Variants in OSCP1 observed in about 807,000 individuals in gnomAD.
OSCP1 encodes protein OSCP1.
OSCP1 carries 35 observed loss-of-function variants against 45.1 expected under a neutral mutation model. The ratio of observed to expected loss-of-function variants is 0.78; its 90% CI spans 0.59 to 1.03. The LOEUF (loss-of-function observed/expected upper bound fraction) is 1.03, where lower values mean the gene tolerates loss of function less well. Among genes scored for constraint, OSCP1 ranks in the 50% least tolerant of loss-of-function variants. OSCP1 has a pLI of 0.00. For synonymous variants in OSCP1, 179 were observed against 180.1 expected, an observed-to-expected ratio of 0.99 and a Z score of 0.05; for missense variants, 400 against 470.7, an observed-to-expected ratio of 0.85 and a Z score of 1.39.
chr1:36,441,061 T>C (rs1176307705), intron 1 of OSCP1: 1 of 152,222 alleles, frequency 6.6e-6, no homozygotes, highest in East Asian at 1.9e-4. Context: ...AATGAAGTCT[T>C]TCCCCGTGGG....
chr1:36,440,231 T>C lies in OSCP1; in HGVS notation c.113-1321A>G, dbSNP rs562751112. The stretch of plus-strand genomic sequence containing the variant: ...AGTGAAGTGATTATTTTAGGCACTC[T>C]CAACCTGTAAGTAATTGACAGAAGT... On this transcript the variant is annotated intron_variant, in intron 1 of 9. Transcript: ENST00000235532. Among the ~76,000 whole-genome samples, 24 of 152,318 alleles carry C rather than the reference T, an allele frequency of 1.6e-4. No individual in the cohort carries two copies. The South Asian group carries it at 2.3e-3, about 14-fold the overall frequency.
At position 36,432,463 on chromosome 1, in the gene OSCP1, T is replaced by C. The variant is rs754625448; in HGVS notation, c.394A>G (p.Ile132Val). 1.2e-6 allele frequency: 2 copies of C among 1,614,146 alleles called. No individual in the cohort carries two copies. The highest frequency in any genetic ancestry group is 1.7e-4 in the Middle Eastern group (1 of 6,060). Residue 132 changes from isoleucine to valine, a missense_variant, in exon 3 of 10, where the codon ATC becomes GTC. By Grantham distance (29) the Ile-to-Val change is conservative. Transcript: ENST00000235532. ...IKGFIRDSPT[I>V]LQQVDETLRQ... ...AAAGTCTCGTCCACTTGCTGCAGGA[T>C]GGTTGGGGAGTCTCGGATGAATCCC... is the stretch of plus-strand genomic sequence containing the variant.
At chr1:36,443,674 C>G (rs1452562568) in intron 1 of OSCP1, among the ~76,000 whole-genome samples, 2 of 152,200 alleles carry the variant, frequency 1.3e-5, no homozygotes, top group Non-Finnish European at 2.9e-5. Flanking sequence ...GTTTTAAGGA[C>G]TACCAAATAG....
At chr1:36,423,905 GA>G (rs906627975) in intron 4 of OSCP1, among the ~76,000 whole-genome samples, 6 of 151,488 alleles carry the variant, frequency 4.0e-5, no homozygotes, top group African/African-American at 1.5e-4. Flanking sequence ...AAAGAAGGGA[GA>G]AAAAATTACA....
intron 7 of OSCP1, chr1:36,421,880 C>A (rs1243949188): frequency 2.0e-6 from 1 of 508,306 alleles, no homozygotes; most frequent in African/African-American, 1.9e-5. Context: ...GGCACTGGTA[C>A]TACGCTACTG....
chr1:36,428,226 C>A, intron 4 of OSCP1: 2 of 1,287,378 alleles, frequency 1.6e-6, no homozygotes, highest in Admixed American at 2.8e-5. Context: ...AAAAATTTGG[C>A]ATCAGAATTG....
At position 36,434,838 on chromosome 1, in the gene OSCP1, A is replaced by G. The variant is rs371223370; in HGVS notation, c.268-2249T>C. Among the ~76,000 whole-genome samples the G allele has an allele frequency of 3.3e-5, 5 of 152,042 alleles. No individual in the cohort carries two copies. In the East Asian group the frequency reaches 5.8e-4, roughly 18 times the overall value. ...GTGTGCATGGGGATTGGGAAAGTAC[A>G]ATACTGGAGATACAGATTTGAGACT... On this transcript the variant is annotated intron_variant, in intron 2 of 9. Transcript: ENST00000235532.
chr1:36,437,984 C>T (rs983542826), intron 2 of OSCP1, among the ~76,000 whole-genome samples: 4 of 151,926 alleles, frequency 2.6e-5, no homozygotes, highest in Admixed American at 6.6e-5. Flanking sequence ...AGACCAGCCT[C>T]GGCAACAAAG....
intron 4 of OSCP1, among the ~76,000 whole-genome samples, chr1:36,431,129 T>C (rs1353722309): frequency 6.6e-6 from 1 of 152,096 alleles, no homozygotes; most frequent in African/African-American, 2.4e-5. Flanking sequence ...CAGCAAGTTG[T>C]AGGCACTGGT....
chr1:36,424,318 CTAAAG>C (rs754728604), intron 4 of OSCP1, among the ~76,000 whole-genome samples: 9 of 152,150 alleles, frequency 5.9e-5, no homozygotes, highest in African/African-American at 2.4e-5. Context: ...GACGAGAAAG[CTAAAG>C]TAGAGAGTGA....
At position 36,418,229 on chromosome 1, in the gene OSCP1, AGCCAGCTCCTCGCTCCGTT is replaced by A; in HGVS notation, c.1031_1049del (p.Gln344LeufsTer15). 6.2e-7 allele frequency: 1 copy of A among 1,614,158 alleles called. No individual in the cohort carries two copies. The highest frequency in any genetic ancestry group is 8.5e-7 in the Non-Finnish European group (1 of 1,180,036). On this transcript the variant is annotated frameshift_variant, in exon 10 of 10. Transcript: ENST00000235532. LOFTEE classifies it high-confidence loss of function. The stretch of plus-strand genomic sequence containing the variant: ...TGATCTCAAACTCCCCCATGATTCG[AGCCAGCTCCTCGCTCCGTT>A]GCTGGTCCTATGAGGGAAATGAGAG...
At position 36,422,200 on chromosome 1, in the gene OSCP1, C is replaced by G; in HGVS notation, c.769G>C (p.Val257Leu). The G allele has an allele frequency of 6.2e-7, 1 of 1,614,178 alleles. No individual in the cohort carries two copies. Among genetic ancestry groups the G allele is most frequent in the Middle Eastern group, 1.6e-4 (1 of 6,062 alleles). Reference protein sequence around the residue: ...GTNMYSVNQPVETHVSGSSKN... With the variant: ...GTNMYSVNQPLETHVSGSSKN... ...GATGATCCAGACACATGAGTTTCCA[C>G]AGGCTGATTCACGCTGTACCTGGTG... is the stretch of plus-strand genomic sequence containing the variant. Residue 257 changes from valine (V) to leucine (L), a missense_variant, in exon 7 of 10, where the codon GTG (valine) becomes CTG (leucine). Physicochemically the swap from Val to Leu is conservative, Grantham distance 32 (BLOSUM62 1). Transcript: ENST00000235532.
chr1:36,440,208 T>C (rs528887433), intron 1 of OSCP1, among the ~76,000 whole-genome samples: 1 of 152,316 alleles, frequency 6.6e-6, no homozygotes, highest in East Asian at 1.9e-4. Context: ...GGTAGAGCAG[T>C]GAAGTGATTA....
chr1:36,442,100 G>T (rs183602168), intron 1 of OSCP1, among the ~76,000 whole-genome samples: 1,546 of 152,212 alleles, frequency 0.01, 12 homozygotes, highest in South Asian at 0.02. Context: ...GGTGGCTCAT[G>T]CCTGTAATCT....
intron 1 of OSCP1, among the ~76,000 whole-genome samples, chr1:36,449,097 T>A (rs750431407): frequency 2.6e-5 from 4 of 152,240 alleles, no homozygotes; most frequent in Non-Finnish European, 4.4e-5. Context: ...AATATGTATG[T>A]TGAACATCAA....
At chr1:36,432,094 G>A (rs542182863) in intron 3 of OSCP1, among the ~76,000 whole-genome samples, 1 of 152,190 alleles carries the variant, frequency 6.6e-6, no homozygotes, top group African/African-American at 2.4e-5. Context: ...TACACTTCCT[G>A]TCTCCCATTC....
chr1:36,423,740 G>C (rs1647797226), intron 4 of OSCP1, among the ~76,000 whole-genome samples: 1 of 151,996 alleles, frequency 6.6e-6, no homozygotes, highest in African/African-American at 2.4e-5. Context: ...CGGGCGTGGT[G>C]GTGGGCACCT....
intron 2 of OSCP1, among the ~76,000 whole-genome samples, chr1:36,434,897 A>G (rs1344064384): frequency 1.3e-5 from 2 of 152,036 alleles, no homozygotes; most frequent in Admixed American, 6.6e-5. Context: ...GTGCTCGTAT[A>G]TAGGAAACCA....
intron 4 of OSCP1, among the ~76,000 whole-genome samples, chr1:36,429,083 G>C (rs1648172014): frequency 6.6e-6 from 1 of 151,992 alleles, no homozygotes; most frequent in South Asian, 2.1e-4. Context: ...CTCTGGAGTT[G>C]AGATTCAAAG....
Sources: allele counts gnomAD v4.1 joint callset (sites outside exome capture counted in the v4.1 genomes callset), GRCh38; gene constraint gnomAD v4.1.1; transcripts MANE v1.5; gene names NCBI Gene and HGNC (gene_info 2026-07-23, HGNC 2026-07-21).